The following WWOX variants were observed in gnomAD, a reference collection of about 807,000 sequenced individuals.
WWOX encodes WW domain-containing oxidoreductase.
A neutral mutation model predicts 46.2 loss-of-function variants in WWOX; 69 were observed. That is an observed-to-expected ratio of 1.49 (90% CI 1.23 to 1.82). WWOX has a LOEUF of 1.82. Among genes scored for constraint, WWOX ranks in the 40% most tolerant of loss-of-function variants. The pLI, the probability that WWOX is intolerant of heterozygous loss-of-function variation, is 0.00. For synonymous variants in WWOX, 359 were observed against 202.6 expected (o/e 1.77, Z -6.56); for missense variants, 919 against 542.6 (o/e 1.69, Z -6.89).
chr16:78,869,278 G>A (rs1017110631), intron 8 of WWOX, among the ~76,000 whole-genome samples: 2 of 152,150 alleles, frequency 1.3e-5, no homozygotes, highest in South Asian at 2.1e-4. Flanking sequence ...ACACTTAGGG[G>A]TTAGAAGGGG....
rs2082279851 is a variant in WWOX at position 78,396,124 on chromosome 16, G to T, written c.605+9176G>T. 2.0e-5 allele frequency among the ~76,000 whole-genome samples: 3 copies of T among 152,296 alleles called. No individual in the cohort carries two copies. In the South Asian group the frequency reaches 6.2e-4, roughly 32 times the overall value. ...CAACAGTGCCAAGAACTTGGCTAGA[G>T]ATTGGAAATAAAGCTTATGCCTTCT... On this transcript the variant is annotated intron_variant, in intron 6 of 8. Transcript: ENST00000566780.
At chr16:79,114,299 T>C (rs2049470228) in intron 8 of WWOX, among the ~76,000 whole-genome samples, 1 of 151,948 alleles carries the variant, frequency 6.6e-6, no homozygotes, top group Non-Finnish European at 1.5e-5. Context: ...CTGGCTGGAT[T>C]AAGATGGAGC....
chr16:78,517,803 T>C (rs1190706878), intron 8 of WWOX, among the ~76,000 whole-genome samples: 2 of 151,404 alleles, frequency 1.3e-5, no homozygotes, highest in African/African-American at 4.9e-5. Context: ...AAGAGTGATG[T>C]CGTTTTATAT....
intron 8 of WWOX, among the ~76,000 whole-genome samples, chr16:79,140,207 C>G (rs1363468997): frequency 6.6e-6 from 1 of 152,230 alleles, no homozygotes; most frequent in African/African-American, 2.4e-5. Flanking sequence ...AACATTCTAA[C>G]TCGTGGCTAA....
intron 8 of WWOX, chr16:79,202,823 T>A (rs1044745661): frequency 6.6e-6 from 1 of 152,144 alleles, no homozygotes; most frequent in African/African-American, 2.4e-5. Flanking sequence ...TTATTTACAG[T>A]CTACATAGGG....
At chr16:79,173,414 C>G (rs2050740115) in intron 8 of WWOX, among the ~76,000 whole-genome samples, 1 of 152,128 alleles carries the variant, frequency 6.6e-6, no homozygotes, top group Non-Finnish European at 1.5e-5. Flanking sequence ...TTTCACACAC[C>G]CACGTGCATG....
intron 8 of WWOX, among the ~76,000 whole-genome samples, chr16:79,007,848 C>G (rs115462384): frequency 0.018 from 2,715 of 152,290 alleles, 73 homozygotes; most frequent in South Asian, 0.096. Context: ...CTTTATTAGT[C>G]ACTCATGGTG....
chr16:78,188,630 T>C (rs9932883), intron 5 of WWOX, among the ~76,000 whole-genome samples: 6,113 of 152,024 alleles, frequency 0.04, 388 homozygotes, highest in African/African-American at 0.14. Context: ...GAGACGATAA[T>C]ATTAGGGAAA....
chr16:78,335,753 G>C (rs769412140), intron 5 of WWOX, among the ~76,000 whole-genome samples: 30 of 152,118 alleles, frequency 2.0e-4, no homozygotes, highest in Admixed American at 4.6e-4. Flanking sequence ...ATGTTCGTGT[G>C]GTTCTGGCTC....
chr16:78,621,375 C>A (rs948388209), intron 8 of WWOX, among the ~76,000 whole-genome samples: 1 of 151,950 alleles, frequency 6.6e-6, no homozygotes, highest in South Asian at 2.1e-4. Flanking sequence ...CTGCTGCTGT[C>A]TTACCTCCTC....
intron 8 of WWOX, among the ~76,000 whole-genome samples, chr16:79,112,071 C>G (rs1186484077): frequency 1.3e-5 from 2 of 152,198 alleles, no homozygotes; most frequent in Non-Finnish European, 2.9e-5. Context: ...ATCCCCAGGG[C>G]TGGACACAGA....
At chr16:78,711,331 A>T (rs534602374) in intron 8 of WWOX, among the ~76,000 whole-genome samples, 1 of 152,364 alleles carries the variant, frequency 6.6e-6, no homozygotes, top group Non-Finnish European at 1.5e-5. Context: ...GTTTAGCAAC[A>T]GCCTGGCTGA....
rs554577021 is a variant in WWOX, at chr16:78,472,769, A to G, written c.1056+40017A>G. 1.1e-4 allele frequency among the ~76,000 whole-genome samples: 15 copies of G among 132,728 alleles called. No homozygotes were observed. In the East Asian group the frequency reaches 3.2e-3, roughly 28 times the overall value. The allele number at this position is 132,728 out of a possible 152,430, so 87.1% of individuals were successfully genotyped here. ...GGTTGCAGTGAGCCGAGATCTTGCC[A>G]TTGTTCTCCAGCCTGGGCGACAAGA... On this transcript the variant is annotated intron_variant, in intron 8 of 8. Coordinates refer to ENST00000566780, the MANE Select transcript of WWOX (RefSeq NM_016373.4).
intron 8 of WWOX, among the ~76,000 whole-genome samples, chr16:79,019,187 A>AAAAAC (rs59620815): frequency 2.4e-5 from 2 of 81,858 alleles, no homozygotes; most frequent in African/African-American, 5.1e-5. Flanking sequence ...AAAAAAAAAG[A>AAAAAC]AAAAAAAAAG....
At chr16:78,834,339 A>C (rs989150337) in intron 8 of WWOX, among the ~76,000 whole-genome samples, 1 of 152,172 alleles carries the variant, frequency 6.6e-6, no homozygotes, top group Non-Finnish European at 1.5e-5. Context: ...TTAATTTATA[A>C]AGTGAGCTAC....
At chr16:78,466,728 A>T (rs934175832) in intron 8 of WWOX, among the ~76,000 whole-genome samples, 1 of 152,124 alleles carries the variant, frequency 6.6e-6, no homozygotes, top group Non-Finnish European at 1.5e-5. Flanking sequence ...GGTTTCTGTA[A>T]TCCCAGCTAC....
chr16:78,109,693 G>A (rs1264993978), intron 2 of WWOX, 85 bp from the exon 3 acceptor site: 1 of 1,417,974 alleles, frequency 7.1e-7, no homozygotes, highest in Non-Finnish European at 9.9e-7. Flanking sequence ...TGGGGGCGGG[G>A]CTGGGAGGGC....
intron 8 of WWOX, among the ~76,000 whole-genome samples, chr16:79,109,642 ATGAACAC>A (rs1366764341): frequency 1.3e-5 from 2 of 152,230 alleles, no homozygotes; most frequent in African/African-American, 4.8e-5. Context: ...ATTAAATAAA[ATGAACAC>A]TGGGGTATTT....
chr16:79,142,090 C>T lies in WWOX; in HGVS notation c.1057-69518C>T, dbSNP rs141965355. ...TTCTCCTTCTTCTCCATCTCCTGCC[C>T]TTACTTCTTCCTGCCTGTCATTTAT... On this transcript the variant is annotated intron_variant, in intron 8 of 8. Transcript: ENST00000566780. Among the ~76,000 whole-genome samples, 614 of 152,298 alleles carry T rather than the reference C, an allele frequency of 4.0e-3. 16 individuals carry two copies. The highest frequency in any genetic ancestry group is 0.034 in the Admixed American group (522 of 15,296).
Sources: allele counts gnomAD v4.1 joint callset (sites outside exome capture counted in the v4.1 genomes callset), GRCh38; gene constraint gnomAD v4.1.1; transcripts MANE v1.5; gene names NCBI Gene and HGNC (gene_info 2026-07-23, HGNC 2026-07-21).